The following EDDM13 variants were observed in gnomAD, a reference collection of about 807,000 sequenced individuals.
EDDM13 encodes epididymal protein 13.
A neutral mutation model predicts 17.8 loss-of-function variants in EDDM13; 24 were observed. That is an observed-to-expected ratio of 1.35 (90% confidence interval 0.98 to 1.90). The LOEUF is 1.90. EDDM13 is among the 40% of genes most tolerant of loss of function. EDDM13 has a pLI of 0.00. For missense variants in EDDM13, 97 were observed against 100.8 expected (o/e 0.96, Z 0.16); for synonymous variants, 31 against 37.5 (o/e 0.83, Z 0.63).
chr19:56,295,342 C>T (rs2039795526), intron 9 of EDDM13, among the ~76,000 whole-genome samples: 1 of 151,994 alleles, frequency 6.6e-6, no homozygotes, highest in Non-Finnish European at 1.5e-5. Context: ...ACCTGTAATC[C>T]CAGCACTTTG....
chr19:56,293,187 G>T (rs954144727), intron 9 of EDDM13, among the ~76,000 whole-genome samples: 1 of 152,166 alleles, frequency 6.6e-6, no homozygotes, highest in Admixed American at 6.5e-5. Context: ...TCAAGAGCAC[G>T]TTCTGGGTAC....
At chr19:56,298,277 T>C (rs1251368729) in intron 12 of EDDM13, 2 of 151,976 alleles carry the variant, frequency 1.3e-5, no homozygotes, top group East Asian at 3.9e-4. Flanking sequence ...GCCAATAAAA[T>C]TGAAAGTTTA....
At chr19:56,298,376 A>T (rs945046867) in intron 12 of EDDM13, among the ~76,000 whole-genome samples, 6 of 152,134 alleles carry the variant, frequency 3.9e-5, no homozygotes, top group Non-Finnish European at 7.4e-5. Context: ...GGTGGCTCAC[A>T]TCTGTAATCC....
intron 14 of EDDM13, among the ~76,000 whole-genome samples, chr19:56,308,342 G>A (rs544835980): frequency 8.4e-6 from 1 of 119,402 alleles, no homozygotes; most frequent in Admixed American, 7.9e-5. Context: ...TTTTTTTTTT[G>A]AGATGGAGGC....
In EDDM13 at chr19:56,302,777, G is replaced by T. The variant is rs558620068; in HGVS notation, c.423+682G>T. The T allele has an allele frequency of 1.1e-4, 45 of 397,582 alleles. No individual in the cohort carries two copies. In the East Asian group the frequency reaches 1.6e-3, roughly 14 times the overall value. 24.6% of individuals were successfully genotyped at this position (397,582 alleles called of 1,614,324 possible). ...CTTCTGCACTAACACAGCCCCAGGG[G>T]CTCCTTTGAAATACTGTCACTCATT... On this transcript the variant is annotated intron_variant, in intron 13 of 14. Coordinates refer to ENST00000649256, the MANE Select transcript of EDDM13 (RefSeq NM_001354658.2).
chr19:56,298,942 A>T (rs916344097), intron 12 of EDDM13, among the ~76,000 whole-genome samples: 2 of 152,206 alleles, frequency 1.3e-5, no homozygotes, highest in Admixed American at 6.5e-5. Context: ...TCCTAGACTA[A>T]ATATTAGCAA....
At chr19:56,292,684 A>C (rs55969042) in intron 9 of EDDM13, among the ~76,000 whole-genome samples, 21,445 of 151,734 alleles carry the variant, frequency 0.14, 1,528 homozygotes, top group Middle Eastern at 0.26. Flanking sequence ...TCACTGCCCC[A>C]CCAAAAAAAA....
intron 14 of EDDM13, among the ~76,000 whole-genome samples, chr19:56,307,651 C>T (rs1231651647): frequency 1.3e-5 from 2 of 152,186 alleles, no homozygotes; most frequent in Admixed American, 6.5e-5. Flanking sequence ...AGATAAGTCA[C>T]TGCAAATGCC....
At chr19:56,284,765 C>T (rs934625344) in intron 5 of EDDM13, among the ~76,000 whole-genome samples, 1 of 152,098 alleles carries the variant, frequency 6.6e-6, no homozygotes, top group Non-Finnish European at 1.5e-5. Flanking sequence ...CCACCCACCT[C>T]AGCCCCCAAA....
intron 9 of EDDM13, among the ~76,000 whole-genome samples, chr19:56,294,514 C>T (rs968889769): frequency 1.3e-5 from 2 of 152,060 alleles, no homozygotes; most frequent in East Asian, 1.9e-4. Flanking sequence ...TTCTGTAAAG[C>T]GCTAAATAGT....
chr19:56,309,376 A>T (rs2040891486), intron 14 of EDDM13, among the ~76,000 whole-genome samples: 1 of 152,240 alleles, frequency 6.6e-6, no homozygotes, highest in Non-Finnish European at 1.5e-5. Flanking sequence ...CTTAGAAGTG[A>T]CAATTGCACA....
intron 13 of EDDM13, among the ~76,000 whole-genome samples, chr19:56,303,479 G>C (rs1248475421): frequency 7.3e-6 from 1 of 137,416 alleles, no homozygotes; most frequent in Non-Finnish European, 1.6e-5. Flanking sequence ...AAAAATTAAA[G>C]TAAATAGAAA....
At chr19:56,305,875 G>A (rs140775620) in intron 14 of EDDM13, among the ~76,000 whole-genome samples, 1 of 152,020 alleles carries the variant, frequency 6.6e-6, no homozygotes, top group Non-Finnish European at 1.5e-5. Flanking sequence ...CAGAAAACAA[G>A]TGAAAGAGCC....
chr19:56,300,174 T>C (rs1273915154), intron 12 of EDDM13, among the ~76,000 whole-genome samples: 1 of 152,186 alleles, frequency 6.6e-6, no homozygotes, highest in Non-Finnish European at 1.5e-5. Context: ...AATAGTTTTA[T>C]TAATGGGTAA....
At chr19:56,294,880 A>C (rs922816502) in intron 9 of EDDM13, among the ~76,000 whole-genome samples, 2 of 152,224 alleles carry the variant, frequency 1.3e-5, no homozygotes, top group African/African-American at 4.8e-5. Flanking sequence ...CCAGACACAA[A>C]AGCACATAGG....
intron 6 of EDDM13, among the ~76,000 whole-genome samples, chr19:56,287,524 C>T (rs1273970221): frequency 6.6e-6 from 1 of 152,126 alleles, no homozygotes; most frequent in Non-Finnish European, 1.5e-5. Flanking sequence ...AAATATCAGC[C>T]CTCTGTGCAC....
chr19:56,292,995 T>C (rs1232702423), intron 9 of EDDM13, among the ~76,000 whole-genome samples: 1 of 152,184 alleles, frequency 6.6e-6, no homozygotes, highest in East Asian at 1.9e-4. Flanking sequence ...ATTCTACCTT[T>C]CGGCTGAGGA....
At chr19:56,295,602 AAAAAC>A (rs563523883) in intron 9 of EDDM13, among the ~76,000 whole-genome samples, 212 of 152,230 alleles carry the variant, frequency 1.4e-3, no homozygotes, top group Middle Eastern at 6.8e-3. Flanking sequence ...CTAAAAAACA[AAAAAC>A]AAAACAAAAC....
At chr19:56,295,482 C>T (rs1318742702) in intron 9 of EDDM13, among the ~76,000 whole-genome samples, 1 of 152,084 alleles carries the variant, frequency 6.6e-6, no homozygotes. Context: ...GTGCTCCCAG[C>T]TACTCAGGAG....
Sources: gnomAD v4.1 joint callset for allele counts (sites outside exome capture counted in the v4.1 genomes callset) on GRCh38, gnomAD v4.1.1 for gene constraint, MANE v1.5 for transcripts, NCBI Gene and HGNC (gene_info 2026-07-23, HGNC 2026-07-21) for gene names.